Variants in KIAA0825 observed in about 807,000 individuals in gnomAD.
The protein encoded by KIAA0825 is uncharacterized protein KIAA0825.
KIAA0825 carries 119 observed loss-of-function variants against 147.6 expected under a neutral mutation model. The observed-to-expected ratio is 0.81, with a 90% CI of 0.69 to 0.94. The LOEUF is 0.94. KIAA0825 is among the 40% of genes least tolerant of loss of function. The probability of loss-of-function intolerance (pLI) is 0.00; values close to 1 mark genes in which losing one functional copy is unlikely to be tolerated. For missense variants in KIAA0825, 1,381 were observed against 1,472.7 expected (o/e 0.94, Z 1.02); for synonymous variants, 470 against 518.1 (o/e 0.91, Z 1.26).
At chr5:94,317,359 T>A (rs2150229830) in intron 20 of KIAA0825, among the ~76,000 whole-genome samples, 1 of 151,986 alleles carries the variant, frequency 6.6e-6, no homozygotes, top group East Asian at 1.9e-4. Flanking sequence ...ATACAAAGCA[T>A]GAAGATGCCA....
At chr5:94,489,280 G>A (rs1361156164) in intron 5 of KIAA0825, among the ~76,000 whole-genome samples, 2 of 152,128 alleles carry the variant, frequency 1.3e-5, no homozygotes, top group Non-Finnish European at 2.9e-5. Flanking sequence ...GGCTCTCACA[G>A]GGCAGTATGG....
chr5:94,491,018 A>G (rs570570876), intron 5 of KIAA0825, among the ~76,000 whole-genome samples: 87 of 152,274 alleles, frequency 5.7e-4, no homozygotes, highest in Non-Finnish European at 1.1e-3. Flanking sequence ...TAGCAACAGA[A>G]TTCTTATTAA....
intron 7 of KIAA0825, 83 bp from the exon 8 acceptor site, chr5:94,473,602 T>C (rs1761481802): frequency 1.1e-6 from 1 of 873,218 alleles, no homozygotes; most frequent in Non-Finnish European, 1.8e-6. Context: ...AAATTATTAC[T>C]TTCATTCAAC....
intron 3 of KIAA0825, among the ~76,000 whole-genome samples, chr5:94,524,799 C>G (rs545565352): frequency 1.3e-4 from 20 of 151,742 alleles, no homozygotes; most frequent in Admixed American, 1.1e-3. Context: ...AAATAAAATG[C>G]TTCATTCACC....
At chr5:94,360,131 A>G (rs1299246636) in intron 20 of KIAA0825, among the ~76,000 whole-genome samples, 1 of 152,188 alleles carries the variant, frequency 6.6e-6, no homozygotes, top group East Asian at 1.9e-4. Context: ...AGGACATCAC[A>G]ACTCACGACA....
Position 94,285,855 on chromosome 5 carries a change from C to T in KIAA0825, c.3710+98513G>A, listed in dbSNP as rs1307578234. Among the ~76,000 whole-genome samples the T allele has an allele frequency of 3.3e-5, 5 of 152,126 alleles. No homozygotes were observed. The East Asian group carries it at 7.7e-4, about 23-fold the overall frequency. On this transcript the variant is annotated intron_variant, in intron 20 of 20. Transcript: ENST00000682413. ...TTAAGCTTCTTAAACACAGCACATA[C>T]AGCCACGGCCAGGAAAAATAAAACC... is the stretch of plus-strand genomic sequence containing the variant.
At chr5:94,247,043 T>C (rs1208205053) in intron 20 of KIAA0825, among the ~76,000 whole-genome samples, 1 of 152,164 alleles carries the variant, frequency 6.6e-6, no homozygotes. Flanking sequence ...TGAGAATAAA[T>C]AAGAAAGTTC....
rs893477598 is a variant in KIAA0825, at chr5:94,542,869, A to C, written c.-1-5742T>G. 4.6e-5 allele frequency among the ~76,000 whole-genome samples: 7 copies of C among 152,312 alleles called. No homozygotes were observed. The South Asian group carries it at 1.2e-3, about 27-fold the overall frequency. ...TGTAACAGGACATAAAGGACACAAT[A>C]ACCAGTTTCTGGTATTTTACCAAGG... On this transcript the variant is annotated intron_variant, in intron 2 of 20. Coordinates refer to ENST00000682413, the MANE Select transcript of KIAA0825 (RefSeq NM_001145678.3).
At chr5:94,455,551 G>A (rs1758994891) in intron 12 of KIAA0825, among the ~76,000 whole-genome samples, 1 of 152,068 alleles carries the variant, frequency 6.6e-6, no homozygotes, top group African/African-American at 2.4e-5. Context: ...TATAGGAGAT[G>A]TTTGGGGGAA....
At chr5:94,499,101 G>A (rs141675626) in intron 5 of KIAA0825, among the ~76,000 whole-genome samples, 1 of 152,228 alleles carries the variant, frequency 6.6e-6, no homozygotes. Flanking sequence ...AAAATTGCTC[G>A]TGGCAAAGCA....
At chr5:94,591,522 G>T (rs1320859832) in intron 1 of KIAA0825, among the ~76,000 whole-genome samples, 1 of 152,182 alleles carries the variant, frequency 6.6e-6, no homozygotes, top group African/African-American at 2.4e-5. Context: ...GTCTTTAGCT[G>T]ACTTTAGCAT....
chr5:94,603,223 C>T (rs544836654), intron 1 of KIAA0825, among the ~76,000 whole-genome samples: 1 of 152,244 alleles, frequency 6.6e-6, no homozygotes, highest in South Asian at 2.1e-4. Context: ...TAATAGTGAA[C>T]CTCTTAGAAG....
intron 5 of KIAA0825, among the ~76,000 whole-genome samples, chr5:94,487,422 G>A (rs1390436371): frequency 2.0e-5 from 3 of 152,162 alleles, no homozygotes; most frequent in Non-Finnish European, 4.4e-5. Context: ...TTCATTTTGT[G>A]AAAGGCCAAT....
intron 8 of KIAA0825, among the ~76,000 whole-genome samples, chr5:94,472,990 G>T (rs1002265985): frequency 4.6e-5 from 7 of 152,078 alleles, no homozygotes; most frequent in African/African-American, 1.7e-4. Context: ...AATTTTCCTG[G>T]AGTCATTCAA....
At chr5:94,189,998 G>A (rs1035007063) in intron 20 of KIAA0825, among the ~76,000 whole-genome samples, 7 of 151,798 alleles carry the variant, frequency 4.6e-5, no homozygotes, top group East Asian at 3.9e-4. Context: ...AAGTGTTCGC[G>A]TCTTGCATAT....
intron 2 of KIAA0825, among the ~76,000 whole-genome samples, chr5:94,566,573 T>C (rs911558190): frequency 6.6e-6 from 1 of 152,136 alleles, no homozygotes; most frequent in Non-Finnish European, 1.5e-5. Flanking sequence ...TTGCATACTT[T>C]AATGAGTTTC....
At chr5:94,561,748 T>G (rs1777595069) in intron 2 of KIAA0825, among the ~76,000 whole-genome samples, 1 of 152,242 alleles carries the variant, frequency 6.6e-6, no homozygotes. Context: ...CCTATTCCAA[T>G]TAAATAATTA....
At chr5:94,243,140 T>C (rs1429057777) in intron 20 of KIAA0825, among the ~76,000 whole-genome samples, 1 of 152,198 alleles carries the variant, frequency 6.6e-6, no homozygotes, top group African/African-American at 2.4e-5. Flanking sequence ...GAGTGTTAAA[T>C]CAGCTAATGC....
chr5:94,412,651 G>A (rs1047590287), intron 15 of KIAA0825, among the ~76,000 whole-genome samples: 5 of 152,134 alleles, frequency 3.3e-5, no homozygotes, highest in Admixed American at 1.3e-4. Flanking sequence ...CACCCACCTC[G>A]GCCTCCCAAA....
Sources: allele counts gnomAD v4.1 joint callset (sites outside exome capture counted in the v4.1 genomes callset), GRCh38; gene constraint gnomAD v4.1.1; transcripts MANE v1.5; gene names NCBI Gene and HGNC (gene_info 2026-07-23, HGNC 2026-07-21).